The following RXFP1 variants were observed in gnomAD, a reference collection of about 807,000 sequenced individuals.
RXFP1 encodes the protein relaxin receptor 1.
A neutral mutation model predicts 89.8 loss-of-function variants in RXFP1; 73 were observed. The observed-to-expected ratio is 0.81, with a 90% CI of 0.67 to 0.99. The LOEUF (loss-of-function observed/expected upper bound fraction) is 0.99. Ranked by LOEUF, RXFP1 falls within the 50% of genes least tolerant of loss-of-function variation. The probability of loss-of-function intolerance (pLI) is 0.00; values close to 1 mark genes in which losing one functional copy is unlikely to be tolerated. For synonymous variants in RXFP1, 277 were observed against 305.5 expected (o/e 0.91, Z 0.97); for missense variants, 793 against 895.5 (o/e 0.89, Z 1.46).
At chr4:158,624,166 G>A (rs1766237172) in intron 9 of RXFP1, among the ~76,000 whole-genome samples, 1 of 152,110 alleles carries the variant, frequency 6.6e-6, no homozygotes, top group African/African-American at 2.4e-5. Context: ...CCAAACTCAA[G>A]AAAACAGATG....
chr4:158,620,759 A>T (rs1765471559), intron 9 of RXFP1, among the ~76,000 whole-genome samples: 1 of 152,226 alleles, frequency 6.6e-6, no homozygotes. Context: ...CAGTTTCAAA[A>T]TACATAAAGT....
chr4:158,601,064 T>A (rs755348137), intron 4 of RXFP1, among the ~76,000 whole-genome samples: 2 of 151,854 alleles, frequency 1.3e-5, no homozygotes, highest in African/African-American at 4.8e-5. Context: ...AATAAGGCAA[T>A]GGCTAACTAG....
At chr4:158,540,905 C>G (rs114648916) in intron 1 of RXFP1, among the ~76,000 whole-genome samples, 270 of 152,194 alleles carry the variant, frequency 1.8e-3, no homozygotes, top group African/African-American at 6.1e-3. Flanking sequence ...TTAAATAAGC[C>G]TCTTTGATTT....
At chr4:158,627,251 T>A (rs1767036461) in intron 10 of RXFP1, among the ~76,000 whole-genome samples, 1 of 152,100 alleles carries the variant, frequency 6.6e-6, no homozygotes, top group African/African-American at 2.4e-5. Context: ...TAAATTCACA[T>A]GGTATTTTCT....
chr4:158,553,689 T>A (rs1579563366), intron 1 of RXFP1, among the ~76,000 whole-genome samples: 1 of 151,808 alleles, frequency 6.6e-6, no homozygotes, highest in Non-Finnish European at 1.5e-5. Context: ...AAGGTTAGAG[T>A]CATATTTCTA....
chr4:158,619,825 A>C (rs1345756406), intron 9 of RXFP1, among the ~76,000 whole-genome samples: 1 of 152,026 alleles, frequency 6.6e-6, no homozygotes, highest in Non-Finnish European at 1.5e-5. Flanking sequence ...GTACCAACAA[A>C]AAAAAAAACC....
chr4:158,568,707 A>G (rs925852557), intron 1 of RXFP1, among the ~76,000 whole-genome samples: 1 of 152,200 alleles, frequency 6.6e-6, no homozygotes, highest in African/African-American at 2.4e-5. Context: ...TATTATATAC[A>G]TTTGACTATG....
intron 4 of RXFP1, among the ~76,000 whole-genome samples, chr4:158,604,837 TG>T (rs1187277500): frequency 6.6e-6 from 1 of 152,192 alleles, no homozygotes; most frequent in Non-Finnish European, 1.5e-5. Flanking sequence ...TAACATTTTT[TG>T]TCAGAATTAC....
chr4:158,525,145 T>C (rs1742170786), intron 1 of RXFP1, among the ~76,000 whole-genome samples: 1 of 151,602 alleles, frequency 6.6e-6, no homozygotes, highest in Admixed American at 6.6e-5. Flanking sequence ...ATTTATCCAA[T>C]TCCAAAAGAT....
At chr4:158,643,117 A>G (rs979921348) in intron 14 of RXFP1, among the ~76,000 whole-genome samples, 2 of 152,182 alleles carry the variant, frequency 1.3e-5, no homozygotes, top group Non-Finnish European at 2.9e-5. Flanking sequence ...TGTGGTTGAC[A>G]AAGAAAAGGA....
At chr4:158,530,849 A>G (rs935009984) in intron 1 of RXFP1, among the ~76,000 whole-genome samples, 1 of 152,206 alleles carries the variant, frequency 6.6e-6, no homozygotes, top group Non-Finnish European at 1.5e-5. Flanking sequence ...ATTCGTCTTC[A>G]GTGGTGATCC....
intron 2 of RXFP1, among the ~76,000 whole-genome samples, chr4:158,577,327 C>T (rs1756461530): frequency 6.6e-6 from 1 of 152,200 alleles, no homozygotes; most frequent in Non-Finnish European, 1.5e-5. Context: ...ATGAGCCCAC[C>T]GCACCTGATC....
chr4:158,559,267 C>T (rs1246081132), intron 1 of RXFP1, among the ~76,000 whole-genome samples: 4 of 152,156 alleles, frequency 2.6e-5, no homozygotes, highest in African/African-American at 9.7e-5. Flanking sequence ...GATCATGCCA[C>T]TGCACTCCAG....
intron 2 of RXFP1, among the ~76,000 whole-genome samples, chr4:158,578,361 C>T (rs1756672659): frequency 6.6e-6 from 1 of 152,158 alleles, no homozygotes; most frequent in Non-Finnish European, 1.5e-5. Context: ...CAATGACAAA[C>T]CCAAAAGGAG....
intron 10 of RXFP1, among the ~76,000 whole-genome samples, chr4:158,627,650 A>T (rs1030344376): frequency 6.6e-5 from 10 of 152,178 alleles, no homozygotes; most frequent in South Asian, 2.1e-4. Flanking sequence ...TATATAGGCG[A>T]TACAATAGCT....
chr4:158,584,203 G>A (rs1489806566), intron 2 of RXFP1, among the ~76,000 whole-genome samples: 2 of 152,170 alleles, frequency 1.3e-5, no homozygotes, highest in Non-Finnish European at 2.9e-5. Context: ...GGGAGGCCGA[G>A]GTGGGTGGAT....
intron 1 of RXFP1, among the ~76,000 whole-genome samples, chr4:158,536,573 T>C (rs1159244291): frequency 6.6e-6 from 1 of 152,196 alleles, no homozygotes; most frequent in Admixed American, 6.5e-5. Context: ...TTCTTGCAGG[T>C]AATTATTAAC....
intron 9 of RXFP1, among the ~76,000 whole-genome samples, chr4:158,624,939 T>C (rs1766403473): frequency 6.6e-6 from 1 of 152,178 alleles, no homozygotes; most frequent in African/African-American, 2.4e-5. Context: ...TGTGCCCCAA[T>C]ATGTGCCTCT....
chr4:158,539,607 TA>T (rs745777871), intron 1 of RXFP1, among the ~76,000 whole-genome samples: 42 of 152,184 alleles, frequency 2.8e-4, no homozygotes, highest in Non-Finnish European at 4.4e-4. Flanking sequence ...GCATATGTAA[TA>T]CCTGCTTGAT....
Sources: allele counts gnomAD v4.1 joint callset (sites outside exome capture counted in the v4.1 genomes callset), GRCh38; gene constraint gnomAD v4.1.1; transcripts MANE v1.5; gene names NCBI Gene and HGNC (gene_info 2026-07-23, HGNC 2026-07-21).